Variants in FAM3D observed in about 807,000 individuals in gnomAD.
FAM3D encodes protein FAM3D.
FAM3D carries 26 observed loss-of-function variants against 29.8 expected under a neutral mutation model. The ratio of observed to expected loss-of-function variants is 0.87; its 90% CI spans 0.64 to 1.21. The LOEUF (loss-of-function observed/expected upper bound fraction) is 1.21. Among genes scored for constraint, FAM3D ranks in the 50% most tolerant of loss-of-function variants. FAM3D has a pLI of 0.00. For missense variants in FAM3D, 253 were observed against 290.9 expected (o/e 0.87, Z 0.95); for synonymous variants, 115 against 102.3 (o/e 1.12, Z -0.75).
intron 7 of FAM3D, among the ~76,000 whole-genome samples, chr3:58,639,043 A>G (rs731608): frequency 0.45 from 67,827 of 152,082 alleles, 16,019 homozygotes; most frequent in South Asian, 0.56. Flanking sequence ...CTTGCTCACA[A>G]TGCTTCTGTT....
In FAM3D at chr3:58,640,186, T is replaced by C. The variant is rs765143590; in HGVS notation, c.323-9A>G. The C allele has an allele frequency of 4.3e-6, 7 of 1,613,986 alleles. No homozygotes were observed. Among genetic ancestry groups the C allele is most frequent in the Middle Eastern group, 3.3e-4 (2 of 6,084 alleles). On this transcript the variant is annotated splice_polypyrimidine_tract_variant and intron_variant, in intron 6 of 9. Transcript: ENST00000358781. ...CACAGCTCCCGTGGTTCCTAGGGGT[T>C]AAGAGGAGAACGATTATCCCCTGTA...
At chr3:58,660,290 G>A (rs1194164742) in intron 1 of FAM3D, among the ~76,000 whole-genome samples, 1 of 152,150 alleles carries the variant, frequency 6.6e-6, no homozygotes, top group East Asian at 1.9e-4. Context: ...TGAAGCAGGG[G>A]GTGTGCAACC....
chr3:58,656,737 A>G (rs1278309874), intron 1 of FAM3D, among the ~76,000 whole-genome samples: 1 of 152,196 alleles, frequency 6.6e-6, no homozygotes, highest in Non-Finnish European at 1.5e-5. Context: ...CTCAACAGAC[A>G]TGGTCTCCAA....
chr3:58,654,333 C>G (rs2106899837), intron 2 of FAM3D, among the ~76,000 whole-genome samples: 1 of 152,318 alleles, frequency 6.6e-6, no homozygotes, highest in South Asian at 2.1e-4. Context: ...TTGTAGTTGT[C>G]AAAAGTAGGC....
chr3:58,666,018 C>A (rs1275114218), intron 1 of FAM3D, among the ~76,000 whole-genome samples: 3 of 152,188 alleles, frequency 2.0e-5, no homozygotes, highest in Non-Finnish European at 4.4e-5. Context: ...GTCCATGCAC[C>A]TTTGTCATAA....
chr3:58,638,817 CCA>C, intron 7 of FAM3D, among the ~76,000 whole-genome samples: 1 of 152,208 alleles, frequency 6.6e-6, no homozygotes, highest in East Asian at 1.9e-4. Flanking sequence ...CGGTCAACCA[CCA>C]CAGTCACTCT....
At chr3:58,653,615 T>A in intron 3 of FAM3D, 59 bp downstream of exon 3, 1 of 1,488,724 alleles carries the variant, frequency 6.7e-7, no homozygotes, top group Non-Finnish European at 9.3e-7. Flanking sequence ...GGGAAGAATA[T>A]GTCTTCGGCC....
At chr3:58,655,745 G>A in intron 1 of FAM3D, 144 bp from the exon 2 acceptor site, 1 of 587,018 alleles carries the variant, frequency 1.7e-6, no homozygotes, top group Non-Finnish European at 2.9e-6. Context: ...GAACAAGAGG[G>A]CAATTTTCCT....
At chr3:58,648,887 A>C (rs1036450061) in intron 4 of FAM3D, among the ~76,000 whole-genome samples, 3 of 152,178 alleles carry the variant, frequency 2.0e-5, no homozygotes, top group African/African-American at 7.2e-5. Context: ...GGGCCCCTGT[A>C]GTGCCTGATG....
rs17059600 is a variant in FAM3D at position 58,655,457 on chromosome 3, C to T, written c.13+94G>A. 5,286 of 1,526,802 alleles carry T rather than the reference C, an allele frequency of 3.5e-3. 153 individuals carry two copies. The African/African-American group carries it at 0.064, about 18-fold the overall frequency. The allele number at this position is 1,526,802 out of a possible 1,614,324, so 94.6% of individuals were successfully genotyped here. A position where few individuals can be genotyped will look rare whatever the true frequency, so the allele number is the denominator to read the frequency against. On this transcript the variant is annotated intron_variant, in intron 2 of 9. Transcript: ENST00000358781. ...TTTCCTCCTGGAATTCGGGCCTGAC[C>T]ATTTGAGAACAGATACAGCCAAATC... is the stretch of plus-strand genomic sequence containing the variant.
chr3:58,641,445 C>T (rs1196255095), intron 6 of FAM3D, among the ~76,000 whole-genome samples: 1 of 151,932 alleles, frequency 6.6e-6, no homozygotes, highest in Non-Finnish European at 1.5e-5. Context: ...ACTGCAACCT[C>T]GACCTCCCAG....
chr3:58,663,387 C>A (rs1005368708), intron 1 of FAM3D, among the ~76,000 whole-genome samples: 1 of 152,186 alleles, frequency 6.6e-6, no homozygotes, highest in African/African-American at 2.4e-5. Context: ...CCGGGGGTGT[C>A]ATGTGAGCCC....
In FAM3D at chr3:58,636,449, A is replaced by G. The variant is rs2066174898; in HGVS notation, c.459-29T>C. 6 of 1,612,188 alleles carry G rather than the reference A, an allele frequency of 3.7e-6. No individual in the cohort carries two copies. The South Asian group carries it at 6.6e-5, about 18-fold the overall frequency. On this transcript the variant is annotated intron_variant, in intron 8 of 9. Transcript: ENST00000358781. Reference sequence around the variant, plus strand: ...CAGAGGACCAGAGAGGATGGTCAGGATGCGGGGGTGGGTCGCAGGGGCATC... The same window carrying G: ...CAGAGGACCAGAGAGGATGGTCAGGGTGCGGGGGTGGGTCGCAGGGGCATC...
chr3:58,637,290 G>A (rs1163919590), intron 7 of FAM3D, 65 bp from the exon 8 acceptor site: 5 of 1,434,904 alleles, frequency 3.5e-6, no homozygotes, highest in South Asian at 1.2e-5. Context: ...TCTCATGCTT[G>A]TCTACTGCCC....
chr3:58,656,061 G>A (rs924914198), intron 1 of FAM3D, among the ~76,000 whole-genome samples: 13 of 149,768 alleles, frequency 8.7e-5, no homozygotes, highest in Non-Finnish European at 1.6e-4. Flanking sequence ...CCTTTCAGCT[G>A]TCTATTTAGC....
chr3:58,666,024 C>A (rs2067023677), intron 1 of FAM3D, among the ~76,000 whole-genome samples: 1 of 152,186 alleles, frequency 6.6e-6, no homozygotes, highest in Non-Finnish European at 1.5e-5. Context: ...GCACCTTTGT[C>A]ATAACTTTTC....
chr3:58,657,213 G>A (rs1288326915), intron 1 of FAM3D, among the ~76,000 whole-genome samples: 1 of 152,160 alleles, frequency 6.6e-6, no homozygotes, highest in Non-Finnish European at 1.5e-5. Flanking sequence ...CCATGTTAGA[G>A]GAGCCAGGAG....
chr3:58,653,627 C>G, intron 3 of FAM3D, 47 bp downstream of exon 3: 4 of 1,557,748 alleles, frequency 2.6e-6, no homozygotes, highest in Non-Finnish European at 3.5e-6. Context: ...TCTTCGGCCC[C>G]CAGGCCTGGT....
At chr3:58,642,690 T>G (rs1214208566) in intron 6 of FAM3D, among the ~76,000 whole-genome samples, 2 of 152,186 alleles carry the variant, frequency 1.3e-5, no homozygotes, top group African/African-American at 4.8e-5. Context: ...CTGCAGGAGA[T>G]GCAGGGTTAT....
Sources: gnomAD v4.1 joint callset for allele counts (sites outside exome capture counted in the v4.1 genomes callset) on GRCh38, gnomAD v4.1.1 for gene constraint, MANE v1.5 for transcripts, NCBI Gene and HGNC (gene_info 2026-07-23, HGNC 2026-07-21) for gene names.